The following HACE1 variants were observed in gnomAD, a reference collection of about 807,000 sequenced individuals.
HACE1 encodes the protein E3 ubiquitin-protein ligase HACE1.
Under a neutral mutation model 118.4 loss-of-function variants are expected in HACE1, and 73 were observed. That is an observed-to-expected ratio of 0.62 (90% CI 0.51 to 0.75). HACE1 has a LOEUF of 0.75. Ranked by LOEUF, HACE1 falls within the 30% of genes least tolerant of loss-of-function variation. The pLI is 0.00. For missense variants in HACE1, 749 were observed against 1,102.2 expected, an observed-to-expected ratio of 0.68 and a Z score of 4.54; for synonymous variants, 368 against 374.8, an observed-to-expected ratio of 0.98 and a Z score of 0.21.
chr6:104,753,613 T>C (rs1270809099), intron 19 of HACE1, among the ~76,000 whole-genome samples: 4 of 152,186 alleles, frequency 2.6e-5, no homozygotes, highest in Non-Finnish European at 4.4e-5. Flanking sequence ...CCAAGGCAAC[T>C]GGGGTCTGGA....
intron 10 of HACE1, among the ~76,000 whole-genome samples, chr6:104,794,475 A>C (rs1783396692): frequency 2.0e-5 from 3 of 152,222 alleles, no homozygotes; most frequent in African/African-American, 7.2e-5. Flanking sequence ...ACAACTCATA[A>C]AGATATTGCC....
chr6:104,859,877 C>A lies in HACE1; in HGVS notation c.-235G>T. ...GCCGCCTCTGCTCGCGCCTTTCCTGCAGCCCCCGCCGCCGCGTCCCTCCCG... is the reference window on the plus strand; with the variant it reads ...GCCGCCTCTGCTCGCGCCTTTCCTGAAGCCCCCGCCGCCGCGTCCCTCCCG... On this transcript the variant is annotated 5_prime_UTR_variant, in exon 1 of 24. Coordinates refer to ENST00000262903, the MANE Select transcript of HACE1 (RefSeq NM_020771.4). 1 of 485,284 alleles carries A rather than the reference C, an allele frequency of 2.1e-6. No individual in the cohort carries two copies. Among genetic ancestry groups the A allele is most frequent in the Non-Finnish European group, 3.6e-6 (1 of 275,560 alleles). The allele number at this position is 485,284 out of a possible 1,614,324, so 30.1% of individuals were successfully genotyped here.
chr6:104,738,582 A>G (rs1012412733), intron 22 of HACE1, among the ~76,000 whole-genome samples: 61 of 149,308 alleles, frequency 4.1e-4, no homozygotes, highest in African/African-American at 1.5e-3. Context: ...TGGAAGATGA[A>G]ATGAATGAAA....
At chr6:104,788,424 T>C (rs1282859851) in intron 11 of HACE1, among the ~76,000 whole-genome samples, 1 of 152,138 alleles carries the variant, frequency 6.6e-6, no homozygotes, top group Non-Finnish European at 1.5e-5. Flanking sequence ...ATCTCGAGCT[T>C]ACTGAACGAT....
intron 5 of HACE1, among the ~76,000 whole-genome samples, chr6:104,840,124 C>T (rs968224114): frequency 6.6e-6 from 1 of 152,048 alleles, no homozygotes; most frequent in Non-Finnish European, 1.5e-5. Context: ...GGAGGAAACT[C>T]GGCAAAAAGT....
intron 3 of HACE1, among the ~76,000 whole-genome samples, chr6:104,849,992 C>T (rs1776041243): frequency 6.7e-6 from 1 of 149,516 alleles, no homozygotes; most frequent in South Asian, 2.1e-4. Flanking sequence ...CTGTGTCACC[C>T]AGGCTGGAAA....
rs1320597742 is a variant in HACE1 at position 104,730,413 on chromosome 6, G to C, written c.2517C>G (p.Ser839=). 5 of 1,387,260 alleles carry C rather than the reference G, an allele frequency of 3.6e-6. No homozygotes were observed. The highest frequency in any genetic ancestry group is 5.1e-6 in the Non-Finnish European group (5 of 973,024). The allele number at this position is 1,387,260 out of a possible 1,614,324, so 85.9% of individuals were successfully genotyped here. A position where few individuals can be genotyped will look rare whatever the true frequency, so the allele number is the denominator to read the frequency against. Residue 839 remains serine, a synonymous_variant, in exon 23 of 24, where the codon TCC becomes TCG. Transcript: ENST00000262903. ...TAGCAAACCCACCATGTGGGACCCTGGAACTAAGAGTTTATATCTTAATAC... is the reference window on the plus strand; with the variant it reads ...TAGCAAACCCACCATGTGGGACCCTCGAACTAAGAGTTTATATCTTAATAC... The part of the protein sequence containing the change: ...VLLLQFVTGS[S]RVPHGGFANI...
intron 7 of HACE1, among the ~76,000 whole-genome samples, chr6:104,805,844 T>C: frequency 6.6e-6 from 1 of 151,486 alleles, no homozygotes; most frequent in Non-Finnish European, 1.5e-5. Context: ...CCCTGGAACT[T>C]AAAAGTATAA....
At chr6:104,770,200 A>T (rs1268262817) in intron 19 of HACE1, among the ~76,000 whole-genome samples, 3 of 152,158 alleles carry the variant, frequency 2.0e-5, no homozygotes, top group Non-Finnish European at 4.4e-5. Flanking sequence ...TAATTCAGCT[A>T]AACAAAAAGG....
chr6:104,836,037 C>A (rs1053507179), intron 5 of HACE1, among the ~76,000 whole-genome samples: 10 of 152,224 alleles, frequency 6.6e-5, no homozygotes, highest in Admixed American at 2.6e-4. Context: ...ATCTCCCATG[C>A]ACACTCTCAG....
intron 19 of HACE1, among the ~76,000 whole-genome samples, chr6:104,768,306 T>C (rs1374888607): frequency 6.6e-6 from 1 of 152,070 alleles, no homozygotes; most frequent in African/African-American, 2.4e-5. Flanking sequence ...CAAAAAAACT[T>C]TCTACCTATA....
At chr6:104,737,930 C>T (rs568978429) in intron 22 of HACE1, among the ~76,000 whole-genome samples, 1 of 152,322 alleles carries the variant, frequency 6.6e-6, no homozygotes, top group East Asian at 1.9e-4. Context: ...ATGTCCCTGT[C>T]TCACAGCTTT....
chr6:104,831,934 A>AGAAGG (rs1202258499), intron 6 of HACE1, among the ~76,000 whole-genome samples: 4 of 87,072 alleles, frequency 4.6e-5, no homozygotes. Context: ...AGAAGAGAAG[A>AGAAGG]GAAGAGAAGA....
At chr6:104,807,915 G>A (rs1256377133) in intron 7 of HACE1, among the ~76,000 whole-genome samples, 2 of 152,052 alleles carry the variant, frequency 1.3e-5, no homozygotes, top group African/African-American at 4.8e-5. Flanking sequence ...GGCCAGGCAC[G>A]GTGGCTCACG....
intron 5 of HACE1, 85 bp from the exon 6 acceptor site, chr6:104,833,258 G>T: frequency 8.0e-7 from 1 of 1,242,902 alleles, no homozygotes; most frequent in Non-Finnish European, 1.2e-6. Flanking sequence ...TCTCAGCTGG[G>T]CGTGATTTGC....
chr6:104,732,033 T>C (rs1775265580), intron 22 of HACE1: 1 of 152,002 alleles, frequency 6.6e-6, no homozygotes, highest in South Asian at 2.1e-4. Flanking sequence ...AAGATGACTA[T>C]CGGCAAAAAA....
chr6:104,734,757 A>G (rs1775632817), intron 22 of HACE1, among the ~76,000 whole-genome samples: 3 of 152,230 alleles, frequency 2.0e-5, no homozygotes, highest in African/African-American at 7.2e-5. Context: ...TGTACTATTT[A>G]AAGTGGAGAA....
intron 22 of HACE1, among the ~76,000 whole-genome samples, chr6:104,738,467 G>C (rs1477786305): frequency 1.3e-5 from 2 of 149,176 alleles, no homozygotes; most frequent in African/African-American, 5.0e-5. Context: ...ACAGAGAAGT[G>C]CTTAAAGGAG....
At chr6:104,857,976 G>C (rs1311298388) in intron 1 of HACE1, among the ~76,000 whole-genome samples, 1 of 147,206 alleles carries the variant, frequency 6.8e-6, no homozygotes, top group Non-Finnish European at 1.5e-5. Flanking sequence ...AAAAAAAAAG[G>C]ATGTTTTCTA....
Sources: allele counts gnomAD v4.1 joint callset (sites outside exome capture counted in the v4.1 genomes callset), GRCh38; gene constraint gnomAD v4.1.1; transcripts MANE v1.5; gene names NCBI Gene and HGNC (gene_info 2026-07-23, HGNC 2026-07-21).